LRFN2: variants seen among roughly 807,000 people sequenced by gnomAD.
The protein encoded by LRFN2 is leucine rich repeat and fibronectin type III domain containing 2.
Under a neutral mutation model 37.3 loss-of-function variants are expected in LRFN2, and 18 were observed. That is an observed-to-expected ratio of 0.48 (90% CI 0.33 to 0.72). LRFN2 has a LOEUF of 0.72. Ranked by LOEUF, LRFN2 falls within the 30% of genes least tolerant of loss-of-function variation. LRFN2 has a pLI of 0.02. For missense variants in LRFN2, 1,006 were observed against 1,060.7 expected, an observed-to-expected ratio of 0.95 and a Z score of 0.72; for synonymous variants, 556 against 466.6, an observed-to-expected ratio of 1.19 and a Z score of -2.47.
At chr6:40,440,861 T>G (rs1763817928) in intron 1 of LRFN2, among the ~76,000 whole-genome samples, 1 of 152,158 alleles carries the variant, frequency 6.6e-6, no homozygotes, top group Admixed American at 6.5e-5. Context: ...TTCTCTTCCC[T>G]CATTTCCTGC....
intron 1 of LRFN2, among the ~76,000 whole-genome samples, chr6:40,450,470 AGAGG>A (rs1453981939): frequency 3.3e-5 from 5 of 152,240 alleles, no homozygotes; most frequent in Non-Finnish European, 7.3e-5. Flanking sequence ...TGCAAGGGAG[AGAGG>A]GAGGGAGGAG....
intron 2 of LRFN2, among the ~76,000 whole-genome samples, chr6:40,398,033 A>T: frequency 6.6e-6 from 1 of 152,020 alleles, no homozygotes; most frequent in East Asian, 1.9e-4. Flanking sequence ...GGCCTGCAAC[A>T]GAGTGGGGAA....
intron 1 of LRFN2, among the ~76,000 whole-genome samples, chr6:40,525,200 A>G (rs1252954841): frequency 6.6e-6 from 1 of 152,180 alleles, no homozygotes; most frequent in Non-Finnish European, 1.5e-5. Context: ...GGAGCAGGAC[A>G]CAGGAGCATT....
At chr6:40,393,009 G>C (rs778252225) in intron 2 of LRFN2, 97 bp from the exon 3 acceptor site, 1 of 1,066,008 alleles carries the variant, frequency 9.4e-7, no homozygotes, top group African/African-American at 1.6e-5. Flanking sequence ...GACAGAGATG[G>C]GGAGGGGGAG....
intron 1 of LRFN2, chr6:40,523,867 C>A (rs1405955908): frequency 2.0e-5 from 3 of 152,232 alleles, no homozygotes. Flanking sequence ...GGTGAGTTGA[C>A]TGGCCCAAGG....
intron 1 of LRFN2, among the ~76,000 whole-genome samples, chr6:40,548,232 G>T (rs1766699534): frequency 6.6e-6 from 1 of 152,180 alleles, no homozygotes; most frequent in Non-Finnish European, 1.5e-5. Flanking sequence ...CTGAGGTCAG[G>T]AGTTCGAGAC....
chr6:40,575,300 A>T (rs891960159), intron 1 of LRFN2, among the ~76,000 whole-genome samples: 1 of 152,186 alleles, frequency 6.6e-6, no homozygotes. Flanking sequence ...CCCAGCTCCG[A>T]GGTGCTCCTG....
At chr6:40,519,713 T>C in intron 1 of LRFN2, among the ~76,000 whole-genome samples, 1 of 152,320 alleles carries the variant, frequency 6.6e-6, no homozygotes. Context: ...ACTCAGCAAG[T>C]GCTGACGAAT....
chr6:40,406,272 AT>A (rs1762846196), intron 2 of LRFN2, among the ~76,000 whole-genome samples: 1 of 152,196 alleles, frequency 6.6e-6, no homozygotes, highest in Non-Finnish European at 1.5e-5. Flanking sequence ...TGAGTGCTTA[AT>A]TTGTGCTAGT....
chr6:40,581,116 C>T (rs1342849280), intron 1 of LRFN2, among the ~76,000 whole-genome samples: 1 of 152,062 alleles, frequency 6.6e-6, no homozygotes, highest in Non-Finnish European at 1.5e-5. Flanking sequence ...CAAACGAAAC[C>T]CAGTTACAGT....
rs142825584 is a variant in LRFN2, at chr6:40,531,666, G to A, written c.-19+55275C>T. On this transcript the variant is annotated intron_variant, in intron 1 of 2. Transcript: ENST00000338305. ...TATCTGTGTGCCAGTTTTTGTTTAT[G>A]AGGCCGATTCCCATGGTCTTCAGTT... Among the ~76,000 whole-genome samples, 1,021 of 152,210 alleles carry A rather than the reference G, an allele frequency of 6.7e-3. 7 individuals are homozygous for A. Among genetic ancestry groups the A allele is most frequent in the Middle Eastern group, 0.017 (5 of 294 alleles).
At chr6:40,512,185 G>A (rs1581764807) in intron 1 of LRFN2, among the ~76,000 whole-genome samples, 1 of 152,180 alleles carries the variant, frequency 6.6e-6, no homozygotes, top group Non-Finnish European at 1.5e-5. Context: ...TTAAGAGAGA[G>A]TAGCCAATGG....
In LRFN2 at chr6:40,558,615, T is replaced by A. The variant is rs115569152; in HGVS notation, c.-19+28326A>T. On this transcript the variant is annotated intron_variant, in intron 1 of 2. Transcript: ENST00000338305. The stretch of plus-strand genomic sequence containing the variant: ...AAGAGAGTTCCTGACCTTGTGGAGT[T>A]TGGGGCCCAGTGGGGGAAGGCGAGG... 2.1e-3 allele frequency among the ~76,000 whole-genome samples: 315 copies of A among 152,228 alleles called. 1 individual carries two copies. Among genetic ancestry groups the A allele is most frequent in the African/African-American group, 7.3e-3 (303 of 41,540 alleles).
intron 1 of LRFN2, among the ~76,000 whole-genome samples, chr6:40,528,094 T>C (rs1766286784): frequency 6.6e-6 from 1 of 152,238 alleles, no homozygotes; most frequent in Admixed American, 6.5e-5. Context: ...CCCAGGTTTC[T>C]TCCGCCAGAG....
chr6:40,469,491 G>C (rs543859011), intron 1 of LRFN2, among the ~76,000 whole-genome samples: 1 of 152,216 alleles, frequency 6.6e-6, no homozygotes, highest in African/African-American at 2.4e-5. Flanking sequence ...TAGATGGGTG[G>C]GACAGTATGC....
intron 1 of LRFN2, among the ~76,000 whole-genome samples, chr6:40,550,620 T>C (rs1306317180): frequency 6.6e-6 from 1 of 152,242 alleles, no homozygotes; most frequent in African/African-American, 2.4e-5. Flanking sequence ...CACAGACCAG[T>C]GGCCACAATG....
At chr6:40,502,764 G>A (rs1044027520) in intron 1 of LRFN2, among the ~76,000 whole-genome samples, 3 of 152,220 alleles carry the variant, frequency 2.0e-5, no homozygotes, top group Non-Finnish European at 4.4e-5. Flanking sequence ...TTAGGCACTG[G>A]GTTGCCCAGT....
intron 2 of LRFN2, among the ~76,000 whole-genome samples, chr6:40,406,950 T>C (rs1266906266): frequency 6.6e-6 from 1 of 152,146 alleles, no homozygotes; most frequent in Non-Finnish European, 1.5e-5. Context: ...AGACCCTACA[T>C]TGCCCCAGTC....
At chr6:40,435,011 TTACATATATATATATA>T (rs1763609534) in intron 1 of LRFN2, among the ~76,000 whole-genome samples, 1 of 58,216 alleles carries the variant, frequency 1.7e-5, no homozygotes, top group African/African-American at 6.8e-5. Flanking sequence ...AGCAATGGTT[TTACATATATATATATA>T]TATATATATA....
Sources: gnomAD v4.1 joint callset for allele counts (sites outside exome capture counted in the v4.1 genomes callset) on GRCh38, gnomAD v4.1.1 for gene constraint, MANE v1.5 for transcripts, NCBI Gene and HGNC (gene_info 2026-07-23, HGNC 2026-07-21) for gene names.